The following ANO2 variants were observed in gnomAD, a reference collection of about 807,000 sequenced individuals.
ANO2 encodes the protein anoctamin-2.
In ANO2, 101 loss-of-function variants were observed where a neutral mutation model predicts 124.2. The ratio of observed to expected loss-of-function variants is 0.81; its 90% CI spans 0.69 to 0.96. ANO2 has a LOEUF of 0.96. ANO2 is among the 40% of genes least tolerant of loss of function. The probability of loss-of-function intolerance (pLI) is 0.00; values close to 1 mark genes in which losing one functional copy is unlikely to be tolerated. For missense variants in ANO2, 1,293 were observed against 1,274.5 expected (o/e 1.01, Z -0.22); for synonymous variants, 486 against 482.5 (o/e 1.01, Z -0.09).
chr12:5,619,741 C>T (rs765402153), intron 16 of ANO2, among the ~76,000 whole-genome samples: 3 of 152,336 alleles, frequency 2.0e-5, no homozygotes, highest in South Asian at 2.1e-4. Flanking sequence ...GTCCTCCAAA[C>T]GTCTGGCTTA....
intron 16 of ANO2, among the ~76,000 whole-genome samples, chr12:5,628,596 C>A: frequency 6.6e-6 from 1 of 152,186 alleles, no homozygotes. Flanking sequence ...CCTCCTGGGG[C>A]TGTTTTAAGG....
intron 1 of ANO2, among the ~76,000 whole-genome samples, chr12:5,936,232 C>T (rs938672637): frequency 6.6e-6 from 1 of 152,096 alleles, no homozygotes; most frequent in Non-Finnish European, 1.5e-5. Context: ...CACCTGCAAC[C>T]AAAAATGCTC....
At chr12:5,791,669 T>C (rs2137150281) in intron 10 of ANO2, among the ~76,000 whole-genome samples, 1 of 152,318 alleles carries the variant, frequency 6.6e-6, no homozygotes, top group African/African-American at 2.4e-5. Flanking sequence ...GCTCTGTGGC[T>C]CTGGGAAGCC....
At chr12:5,942,324 A>T (rs1449897696) in intron 1 of ANO2, among the ~76,000 whole-genome samples, 1 of 152,250 alleles carries the variant, frequency 6.6e-6, no homozygotes, top group Non-Finnish European at 1.5e-5. Context: ...TCCTCTTTTA[A>T]AATTAAAAAT....
chr12:5,591,898 G>T (rs1300102814), intron 20 of ANO2, among the ~76,000 whole-genome samples: 1 of 152,176 alleles, frequency 6.6e-6, no homozygotes, highest in Non-Finnish European at 1.5e-5. Flanking sequence ...TCACTGCAGA[G>T]GCAGGGATGT....
chr12:5,824,041 C>T (rs1953885608), intron 7 of ANO2, among the ~76,000 whole-genome samples: 1 of 152,192 alleles, frequency 6.6e-6, no homozygotes, highest in African/African-American at 2.4e-5. Flanking sequence ...CTAGGCTGCA[C>T]ACAACACAGG....
chr12:5,689,510 C>T (rs16933778), intron 14 of ANO2, among the ~76,000 whole-genome samples: 20,880 of 152,042 alleles, frequency 0.14, 1,532 homozygotes, highest in Middle Eastern at 0.24. Flanking sequence ...ATGTGACATC[C>T]AGGACAGGTT....
intron 3 of ANO2, among the ~76,000 whole-genome samples, chr12:5,864,216 A>T (rs1565732722): frequency 6.6e-6 from 1 of 152,232 alleles, no homozygotes; most frequent in Non-Finnish European, 1.5e-5. Context: ...GAGGATGAAG[A>T]TAAAAGTGAA....
At chr12:5,882,182 C>T (rs1938549932) in intron 3 of ANO2, among the ~76,000 whole-genome samples, 1 of 152,186 alleles carries the variant, frequency 6.6e-6, no homozygotes, top group South Asian at 2.1e-4. Context: ...TGACCTTCAT[C>T]AACTCAGTCA....
At chr12:5,652,036 A>C (rs921719607) in intron 14 of ANO2, among the ~76,000 whole-genome samples, 3 of 152,220 alleles carry the variant, frequency 2.0e-5, no homozygotes, top group Admixed American at 6.5e-5. Context: ...TTTGGCAATT[A>C]TGAATAAAGC....
At chr12:5,623,832 G>A (rs191651144) in intron 16 of ANO2, among the ~76,000 whole-genome samples, 28 of 152,352 alleles carry the variant, frequency 1.8e-4, no homozygotes, top group African/African-American at 6.7e-4. Flanking sequence ...AAACAGCAAT[G>A]TTTGCTGACA....
intron 10 of ANO2, among the ~76,000 whole-genome samples, chr12:5,791,795 T>G (rs1952705568): frequency 6.6e-6 from 1 of 152,132 alleles, no homozygotes; most frequent in African/African-American, 2.4e-5. Flanking sequence ...GTGGATTGAT[T>G]TACAGTAATA....
At chr12:5,631,773 C>T (rs1945731102) in intron 16 of ANO2, among the ~76,000 whole-genome samples, 1 of 152,112 alleles carries the variant, frequency 6.6e-6, no homozygotes, top group Non-Finnish European at 1.5e-5. Context: ...GCTAGGGTGA[C>T]CATGAGCTGA....
chr12:5,780,744 C>T (rs1952366461), intron 10 of ANO2, among the ~76,000 whole-genome samples: 1 of 152,134 alleles, frequency 6.6e-6, no homozygotes, highest in African/African-American at 2.4e-5. Flanking sequence ...CCTCTGCCCT[C>T]AGGAACTGCG....
At chr12:5,696,315 A>G (rs1457084826) in intron 14 of ANO2, among the ~76,000 whole-genome samples, 1 of 152,256 alleles carries the variant, frequency 6.6e-6, no homozygotes, top group Non-Finnish European at 1.5e-5. Context: ...CAAAGGCAAC[A>G]TAATTGCAGA....
At chr12:5,694,078 G>A (rs961029969) in intron 14 of ANO2, among the ~76,000 whole-genome samples, 1 of 152,108 alleles carries the variant, frequency 6.6e-6, no homozygotes, top group Admixed American at 6.5e-5. Context: ...GTTTGTGCCT[G>A]CAACAGAGTG....
chr12:5,732,987 T>TC, intron 13 of ANO2: 1 of 1,208,526 alleles, frequency 8.3e-7, no homozygotes, highest in Non-Finnish European at 1.2e-6. Context: ...CAGAGGGATA[T>TC]CCCTGGTCAT....
chr12:5,823,989 T>C (rs1953883468), intron 7 of ANO2, among the ~76,000 whole-genome samples: 1 of 152,228 alleles, frequency 6.6e-6, no homozygotes, highest in African/African-American at 2.4e-5. Flanking sequence ...TTGGCCCCTT[T>C]CAGCCACAGC....
At chr12:5,851,892 G>C in intron 4 of ANO2, 1 of 721,596 alleles carries the variant, frequency 1.4e-6, no homozygotes, top group Non-Finnish European at 2.5e-6. Context: ...GTGTCTCTAG[G>C]TTTCCCCTAA....
Sources: gnomAD v4.1 joint callset for allele counts (sites outside exome capture counted in the v4.1 genomes callset) on GRCh38, gnomAD v4.1.1 for gene constraint, MANE v1.5 for transcripts, NCBI Gene and HGNC (gene_info 2026-07-23, HGNC 2026-07-21) for gene names.